The following DNM3 variants were observed in gnomAD, a reference collection of about 807,000 sequenced individuals.
DNM3 encodes dynamin 3.
Under a neutral mutation model 101.6 loss-of-function variants are expected in DNM3, and 47 were observed. The ratio of observed to expected loss-of-function variants is 0.46; its 90% CI spans 0.37 to 0.59. The LOEUF (loss-of-function observed/expected upper bound fraction) is 0.59, where lower values mean the gene tolerates loss of function less well. Among genes scored for constraint, DNM3 ranks in the 20% least tolerant of loss-of-function variants. The probability of loss-of-function intolerance (pLI) is 0.00; values close to 1 mark genes in which losing one functional copy is unlikely to be tolerated. For synonymous variants in DNM3, 385 were observed against 387.9 expected (o/e 0.99, Z 0.09); for missense variants, 849 against 1,085.7 (o/e 0.78, Z 3.06).
chr1:172,267,298 T>C (rs1384681626), intron 15 of DNM3, among the ~76,000 whole-genome samples: 1 of 152,194 alleles, frequency 6.6e-6, no homozygotes, highest in East Asian at 1.9e-4. Context: ...TGCAAAACTT[T>C]CCCCCTCTGT....
chr1:172,167,678 G>A (rs1314323022), intron 14 of DNM3, among the ~76,000 whole-genome samples: 2 of 151,998 alleles, frequency 1.3e-5, no homozygotes, highest in Non-Finnish European at 2.9e-5. Context: ...ACTGAAAATT[G>A]CTGATTCTTA....
chr1:172,113,877 T>C (rs562696667), intron 13 of DNM3, among the ~76,000 whole-genome samples: 1 of 152,282 alleles, frequency 6.6e-6, no homozygotes, highest in East Asian at 1.9e-4. Flanking sequence ...AATAATCTGA[T>C]GCAAAGAGGC....
intron 14 of DNM3, among the ~76,000 whole-genome samples, chr1:172,229,369 A>T (rs1416145684): frequency 2.0e-5 from 3 of 152,182 alleles, no homozygotes; most frequent in Non-Finnish European, 4.4e-5. Context: ...AAACAATCTG[A>T]GAAAGTCAGT....
chr1:171,951,396 T>C (rs924370677), intron 2 of DNM3, among the ~76,000 whole-genome samples: 1 of 152,216 alleles, frequency 6.6e-6, no homozygotes, highest in African/African-American at 2.4e-5. Context: ...TGAAATATTT[T>C]ACATGCGGTG....
chr1:172,350,562 A>T (rs2067159105), intron 17 of DNM3, among the ~76,000 whole-genome samples: 1 of 152,140 alleles, frequency 6.6e-6, no homozygotes, highest in Non-Finnish European at 1.5e-5. Flanking sequence ...ACGTAAAACA[A>T]TTCTTCAAGG....
At chr1:172,267,952 T>C (rs2062933589) in intron 15 of DNM3, among the ~76,000 whole-genome samples, 1 of 152,188 alleles carries the variant, frequency 6.6e-6, no homozygotes, top group Admixed American at 6.5e-5. Flanking sequence ...GACCTCGTGA[T>C]TCACCCACCT....
At chr1:171,911,359 C>T (rs1247544805) in intron 1 of DNM3, among the ~76,000 whole-genome samples, 1 of 146,642 alleles carries the variant, frequency 6.8e-6, no homozygotes, top group African/African-American at 2.5e-5. Flanking sequence ...CGGCTCACTG[C>T]AACCTCCACC....
At chr1:172,088,276 T>A (rs917779714) in intron 12 of DNM3, among the ~76,000 whole-genome samples, 8 of 152,106 alleles carry the variant, frequency 5.3e-5, no homozygotes, top group African/African-American at 1.9e-4. Flanking sequence ...AACTGGAGGT[T>A]TCTAAAAAGG....
In DNM3 at chr1:172,289,913, A is replaced by G; in HGVS notation, c.1770-18815A>G. On this transcript the variant is annotated intron_variant, in intron 15 of 20. Coordinates refer to ENST00000627582, the MANE Select transcript of DNM3 (RefSeq NM_015569.5). ...ACTGTTGGGTTTTCTTTAACTGTAG[A>G]TATGTGAAATCAGCAATATTATCTG... 5.2e-6 allele frequency: 5 copies of G among 958,184 alleles called. No individual in the cohort carries two copies. In the South Asian group the frequency reaches 1.4e-4, roughly 28 times the overall value. 59.4% of individuals were successfully genotyped at this position (958,184 alleles called of 1,614,324 possible).
At chr1:171,895,169 G>A (rs1045291023) in intron 1 of DNM3, among the ~76,000 whole-genome samples, 1 of 152,106 alleles carries the variant, frequency 6.6e-6, no homozygotes, top group Non-Finnish European at 1.5e-5. Context: ...GGGATCACTG[G>A]GTGAAATGGC....
chr1:172,162,213 A>C (rs1351951503), intron 14 of DNM3, among the ~76,000 whole-genome samples: 1 of 152,072 alleles, frequency 6.6e-6, no homozygotes, highest in Non-Finnish European at 1.5e-5. Context: ...TCTGCTTTTG[A>C]TTATTTATAC....
intron 14 of DNM3, chr1:172,138,196 C>T (rs929691152): frequency 2.0e-5 from 3 of 151,880 alleles, no homozygotes; most frequent in Admixed American, 6.6e-5. Flanking sequence ...TATAGTTGAA[C>T]ACTAGTTGGA....
intron 15 of DNM3, among the ~76,000 whole-genome samples, chr1:172,287,837 T>A (rs1404578078): frequency 4.0e-5 from 6 of 150,468 alleles, no homozygotes; most frequent in Non-Finnish European, 5.9e-5. Context: ...ACACATATAT[T>A]TTTTGAGACA....
chr1:171,969,835 C>A (rs1307390701), intron 2 of DNM3, among the ~76,000 whole-genome samples: 2 of 152,122 alleles, frequency 1.3e-5, no homozygotes, highest in Non-Finnish European at 2.9e-5. Context: ...AGGTAGGTGA[C>A]ACTATCCCCA....
In DNM3 at chr1:172,408,437, C is replaced by T. The variant is rs1487967394; in HGVS notation, c.*596C>T. On this transcript the variant is annotated 3_prime_UTR_variant, in exon 21 of 21. Transcript: ENST00000627582. ...GTAGTTTGCAAAGGAAAAGTCTGCA[C>T]TGTTTGCTCTAAAGAGCTTCTCCTC... The T allele has an allele frequency of 1.0e-6, 1 of 985,428 alleles. No individual in the cohort carries two copies. Among genetic ancestry groups the T allele is most frequent in the East Asian group, 1.1e-4 (1 of 8,824 alleles). The allele number at this position is 985,428 out of a possible 1,614,324, so 61.0% of individuals were successfully genotyped here.
At chr1:172,340,086 G>A (rs2066620804) in intron 17 of DNM3, among the ~76,000 whole-genome samples, 1 of 152,150 alleles carries the variant, frequency 6.6e-6, no homozygotes, top group South Asian at 2.1e-4. Flanking sequence ...TGGATTTAGT[G>A]GGAGCCAGAA....
intron 5 of DNM3, among the ~76,000 whole-genome samples, chr1:172,032,888 G>A (rs1481059856): frequency 5.3e-5 from 8 of 152,116 alleles, no homozygotes; most frequent in Non-Finnish European, 1.2e-4. Flanking sequence ...TTGAGGGTGA[G>A]AGGCATTATT....
chr1:172,405,275 T>C (rs556013097), intron 20 of DNM3, among the ~76,000 whole-genome samples: 4 of 152,164 alleles, frequency 2.6e-5, no homozygotes, highest in South Asian at 4.1e-4. Context: ...ATGCAAAATA[T>C]GTGGTTTCTT....
chr1:172,353,469 T>C (rs1021546838), intron 17 of DNM3, among the ~76,000 whole-genome samples: 15 of 152,156 alleles, frequency 9.9e-5, no homozygotes, highest in African/African-American at 3.6e-4. Flanking sequence ...TATCTAATGT[T>C]GAAAACAAGT....
Sources: gnomAD v4.1 joint callset for allele counts (sites outside exome capture counted in the v4.1 genomes callset) on GRCh38, gnomAD v4.1.1 for gene constraint, MANE v1.5 for transcripts, NCBI Gene and HGNC (gene_info 2026-07-23, HGNC 2026-07-21) for gene names.